Variants in RAB40B observed in about 807,000 individuals in gnomAD.
RAB40B encodes the protein RAB40B, member RAS oncogene family, also known as ras-related protein Rab-40B.
Under a neutral mutation model 24.0 loss-of-function variants are expected in RAB40B, and 21 were observed. The ratio of observed to expected loss-of-function variants is 0.88; its 90% CI spans 0.62 to 1.26. The LOEUF (loss-of-function observed/expected upper bound fraction) is 1.26. Ranked by LOEUF, RAB40B falls within the 50% of genes most tolerant of loss-of-function variation. The pLI is 0.00. For missense variants in RAB40B, 348 were observed against 390.5 expected (o/e 0.89, Z 0.92); for synonymous variants, 167 against 169.8 (o/e 0.98, Z 0.13).
chr17:82,670,266 C>T (rs56137100), intron 1 of RAB40B, among the ~76,000 whole-genome samples: 51,674 of 148,706 alleles, frequency 0.35, 9,104 homozygotes, highest in African/African-American at 0.39. Context: ...CTCACTGCAA[C>T]CTCCGCCCAC....
At chr17:82,672,537 GTTGATTGGAGGTGGGGCC>G (rs1465220344) in intron 1 of RAB40B, among the ~76,000 whole-genome samples, 3 of 152,264 alleles carry the variant, frequency 2.0e-5, no homozygotes, top group African/African-American at 7.2e-5. Flanking sequence ...CAGTTTGTAT[GTTGATTGGAGGTGGGGCC>G]TTTGCCAAGT....
intron 1 of RAB40B, among the ~76,000 whole-genome samples, chr17:82,673,887 T>A (rs1405794186): frequency 1.3e-5 from 2 of 152,226 alleles, no homozygotes; most frequent in African/African-American, 2.4e-5. Context: ...CTCCTGAGCC[T>A]GTTTCCCACC....
intron 1 of RAB40B, among the ~76,000 whole-genome samples, chr17:82,693,266 G>A (rs2046576394): frequency 6.6e-6 from 1 of 152,090 alleles, no homozygotes; most frequent in African/African-American, 2.4e-5. Flanking sequence ...CTCGGCCTCT[G>A]AAAGTGCTGG....
chr17:82,674,149 T>C (rs2046369543), intron 1 of RAB40B, among the ~76,000 whole-genome samples: 3 of 151,750 alleles, frequency 2.0e-5, no homozygotes, highest in Non-Finnish European at 2.9e-5. Context: ...GAGACCAGCC[T>C]GGCCAACATG....
At chr17:82,671,204 T>A in intron 1 of RAB40B, among the ~76,000 whole-genome samples, 1 of 128,472 alleles carries the variant, frequency 7.8e-6, no homozygotes, top group South Asian at 2.7e-4. Flanking sequence ...CCCGTAACTC[T>A]AACACACACT....
chr17:82,662,766 G>A lies in RAB40B; in HGVS notation c.204-1719C>T, dbSNP rs546913511. On this transcript the variant is annotated intron_variant, in intron 2 of 5. Coordinates refer to ENST00000571995, the MANE Select transcript of RAB40B (RefSeq NM_006822.3). ...CTCCTGAGGTGAGAGGGAGAAAAGT[G>A]TGAGGGTGACTGTTCGGCCCACTGG... 6.1e-6 allele frequency: 6 copies of A among 985,404 alleles called. No individual in the cohort carries two copies. The South Asian group carries it at 2.8e-4, about 46-fold the overall frequency. The allele number at this position is 985,404 out of a possible 1,614,324, so 61.0% of individuals were successfully genotyped here.
intron 2 of RAB40B, 63 bp from the exon 3 acceptor site, chr17:82,661,110 G>A: frequency 6.4e-7 from 1 of 1,571,248 alleles, no homozygotes; most frequent in Non-Finnish European, 8.6e-7. Flanking sequence ...ACAGGTTCTG[G>A]AACTTCAGAG....
chr17:82,673,772 C>T (rs922840126), intron 1 of RAB40B, among the ~76,000 whole-genome samples: 3 of 152,104 alleles, frequency 2.0e-5, no homozygotes, highest in Admixed American at 6.5e-5. Context: ...GCCAGGCTGA[C>T]CACTCCATGG....
Position 82,679,922 on chromosome 17 carries a change from G to C in RAB40B, c.143-15366C>G, listed in dbSNP as rs2046432926. Among the ~76,000 whole-genome samples the C allele has an allele frequency of 2.0e-5, 3 of 152,370 alleles. No homozygotes were observed. The South Asian group carries it at 6.2e-4, about 32-fold the overall frequency. On this transcript the variant is annotated intron_variant, in intron 1 of 5. Coordinates refer to ENST00000571995, the MANE Select transcript of RAB40B (RefSeq NM_006822.3). ...CGCAGTCGTGGGAGGCTCACGAAGA[G>C]ACATCGTCTTGGGGAAGGGGGATCA...
chr17:82,686,602 G>T (rs79003395), intron 1 of RAB40B, among the ~76,000 whole-genome samples: 3,829 of 152,318 alleles, frequency 0.025, 178 homozygotes, highest in African/African-American at 0.088. Context: ...GCCGAGGGCT[G>T]CCAGCAGCAC....
rs574524773 is a variant in RAB40B at position 82,659,943 on chromosome 17, C to T, written c.265-286G>A. Among the ~76,000 whole-genome samples the T allele has an allele frequency of 5.9e-5, 9 of 152,364 alleles. No homozygotes were observed. The East Asian group carries it at 7.7e-4, about 13-fold the overall frequency. On this transcript the variant is annotated intron_variant, in intron 3 of 5. Transcript: ENST00000571995. ...GGGCACCGCAGTAATCGCCACCTCT[C>T]GAGGAGTGTGGCCCACTCACCTGGA...
In RAB40B at chr17:82,657,862, C is replaced by T. The variant is rs2046103049; in HGVS notation, c.*1G>A. On this transcript the variant is annotated 3_prime_UTR_variant, in exon 6 of 6. Coordinates refer to ENST00000571995, the MANE Select transcript of RAB40B (RefSeq NM_006822.3). ...CCGCCGTGTTTCTTTCAGTGCCTTCCTTAAGAAATTTTGCAGCTGTTTCTG... is the reference window on the plus strand; with the variant it reads ...CCGCCGTGTTTCTTTCAGTGCCTTCTTTAAGAAATTTTGCAGCTGTTTCTG... 1.3e-6 allele frequency: 2 copies of T among 1,586,516 alleles called. No homozygotes were observed. The highest frequency in any genetic ancestry group is 1.7e-6 in the Non-Finnish European group (2 of 1,169,522).
At chr17:82,670,655 C>T (rs139081573) in intron 1 of RAB40B, among the ~76,000 whole-genome samples, 2,772 of 151,818 alleles carry the variant, frequency 0.018, 83 homozygotes, top group African/African-American at 0.064. Context: ...CTGTCTCAGC[C>T]TCCTGAGTAG....
intron 1 of RAB40B, among the ~76,000 whole-genome samples, chr17:82,679,965 G>A (rs1598310276): frequency 6.6e-6 from 1 of 152,364 alleles, no homozygotes; most frequent in South Asian, 2.1e-4. Context: ...CACAGTGGCT[G>A]TGGGAGGGAC....
Position 82,663,119 on chromosome 17 carries a change from C to T in RAB40B, c.203+1377G>A, listed in dbSNP as rs1247298707. Among the ~76,000 whole-genome samples, 1 of 152,080 alleles carries T rather than the reference C, an allele frequency of 6.6e-6. No individual in the cohort carries two copies. The highest frequency in any genetic ancestry group is 1.5e-5 in the Non-Finnish European group (1 of 68,012). ...CGCCAGCCCAGCGAGGGCATGGCCC[C>T]GGGGGAGTGGGGACCTGAGAGCAGA... On this transcript the variant is annotated intron_variant, in intron 2 of 5. Transcript: ENST00000571995. The surrounding 1 kb of genome is among the most constrained non-coding windows in gnomAD (Gnocchi z 6.2).
rs1241127496 is a variant in RAB40B at position 82,690,106 on chromosome 17, T to A, written c.142+8349A>T. Among the ~76,000 whole-genome samples, 4 of 152,366 alleles carry A rather than the reference T, an allele frequency of 2.6e-5. 1 individual carries two copies. The highest frequency in any genetic ancestry group is 2.6e-4 in the Admixed American group (4 of 15,298). ...ATAAATCGTGTTTTATATCTCGAGG[T>A]GGTTGCCAAGGGAAACCAGAAGAGT... On this transcript the variant is annotated intron_variant, in intron 1 of 5. Coordinates refer to ENST00000571995, the MANE Select transcript of RAB40B (RefSeq NM_006822.3).
chr17:82,666,744 A>G (rs377595645), intron 1 of RAB40B, among the ~76,000 whole-genome samples: 10 of 152,286 alleles, frequency 6.6e-5, no homozygotes, highest in East Asian at 5.8e-4. Flanking sequence ...CTGCCTTCCT[A>G]AAACCAGGTA....
chr17:82,684,884 C>T (rs1012537747), intron 1 of RAB40B, among the ~76,000 whole-genome samples: 2 of 152,062 alleles, frequency 1.3e-5, no homozygotes, highest in African/African-American at 2.4e-5. Flanking sequence ...GAGGTCGAGG[C>T]GGGTGGATCA....
chr17:82,687,413 T>G (rs2046513667), intron 1 of RAB40B, among the ~76,000 whole-genome samples: 1 of 152,128 alleles, frequency 6.6e-6, no homozygotes, highest in Admixed American at 6.5e-5. Context: ...AAAATGCCAG[T>G]CCTATCACGA....
Sources: gnomAD v4.1 joint callset for allele counts (sites outside exome capture counted in the v4.1 genomes callset) on GRCh38, gnomAD v4.1.1 for gene constraint, Gnocchi (gnomAD v3.1) non-coding constraint, MANE v1.5 for transcripts, NCBI Gene and HGNC (gene_info 2026-07-23, HGNC 2026-07-21) for gene names.